Variants in PTK2B observed in about 807,000 individuals in gnomAD.
The protein encoded by PTK2B is protein tyrosine kinase 2 beta.
PTK2B carries 71 observed loss-of-function variants against 142.9 expected under a neutral mutation model. The ratio of observed to expected loss-of-function variants is 0.50; its 90% CI spans 0.41 to 0.61. The LOEUF is 0.61. PTK2B is among the 20% of genes least tolerant of loss of function. The pLI is 0.00. For synonymous variants in PTK2B, 519 were observed against 503.4 expected (o/e 1.03, Z -0.42); for missense variants, 1,105 against 1,320.4 (o/e 0.84, Z 2.53).
chr8:27,318,209 T>C (rs1043156783), intron 3 of PTK2B, among the ~76,000 whole-genome samples: 1 of 152,166 alleles, frequency 6.6e-6, no homozygotes, highest in Non-Finnish European at 1.5e-5. Context: ...CTAGAAGTTC[T>C]TCTTGTTCCT....
chr8:27,315,909 C>A (rs1803084367), intron 3 of PTK2B, among the ~76,000 whole-genome samples: 1 of 151,826 alleles, frequency 6.6e-6, no homozygotes, highest in Non-Finnish European at 1.5e-5. Flanking sequence ...AACTTAGATG[C>A]TCTGAAATTG....
Position 27,449,434 on chromosome 8 carries a change from G to C in PTK2B, c.2341-1315G>C, listed in dbSNP as rs1366426204. On this transcript the variant is annotated intron_variant, in intron 24 of 30. Transcript: ENST00000346049. Reference sequence around the variant, plus strand: ...ATATTGTAATATTCAAGTGTGTTTTGTAGGGCTTAGTGAGGAAACTCTTTT... The same window carrying C: ...ATATTGTAATATTCAAGTGTGTTTTCTAGGGCTTAGTGAGGAAACTCTTTT... 2.6e-5 allele frequency among the ~76,000 whole-genome samples: 4 copies of C among 152,222 alleles called. No homozygotes were observed. The East Asian group carries it at 7.7e-4, about 29-fold the overall frequency.
chr8:27,361,221 TTTTG>T (rs1277384467), intron 1 of PTK2B, among the ~76,000 whole-genome samples: 4 of 152,134 alleles, frequency 2.6e-5, no homozygotes, highest in African/African-American at 7.2e-5. Flanking sequence ...TTTGTTTCCT[TTTTG>T]TTTGTTTATT....
At chr8:27,366,193 A>G (rs1437925805) in intron 1 of PTK2B, among the ~76,000 whole-genome samples, 1 of 152,130 alleles carries the variant, frequency 6.6e-6, no homozygotes, top group Non-Finnish European at 1.5e-5. Flanking sequence ...TCACTAGAAA[A>G]TCTCACTCCA....
intron 1 of PTK2B, among the ~76,000 whole-genome samples, chr8:27,370,169 G>A (rs77067195): frequency 6.6e-6 from 1 of 152,142 alleles, no homozygotes; most frequent in Non-Finnish European, 1.5e-5. Context: ...GAACAGCTGT[G>A]TTGTATTGAA....
At chr8:27,322,564 A>G (rs1408388831), upstream of PTK2B, 1 of 152,246 alleles carries the variant, frequency 6.6e-6, no homozygotes, top group Non-Finnish European at 1.5e-5. Flanking sequence ...AATTATAGCT[A>G]TAGAATTTTT....
intron 3 of PTK2B, among the ~76,000 whole-genome samples, chr8:27,317,844 T>G (rs1803127222): frequency 6.6e-6 from 1 of 152,178 alleles, no homozygotes; most frequent in African/African-American, 2.4e-5. Flanking sequence ...CAATTCATTA[T>G]AAAGACACTG....
chr8:27,405,035 C>CCTCTCTCTCT (rs3076734), intron 2 of PTK2B, among the ~76,000 whole-genome samples: 1,629 of 119,372 alleles, frequency 0.014, 53 homozygotes, highest in South Asian at 0.037. Flanking sequence ...TCTTTCTCTT[C>CCTCTCTCTCT]CTCTCTCTCT....
chr8:27,405,017 C>CCTTCCTCTCTTTCT (rs1206634949), intron 2 of PTK2B, among the ~76,000 whole-genome samples: 40 of 106,156 alleles, frequency 3.8e-4, no homozygotes, highest in African/African-American at 1.3e-3. Flanking sequence ...CCCCTCCCTC[C>CCTTCCTCTCTTTCT]CTTCCTCTCT....
chr8:27,384,935 G>A (rs1206032159), intron 1 of PTK2B, among the ~76,000 whole-genome samples: 2 of 152,124 alleles, frequency 1.3e-5, no homozygotes, highest in Non-Finnish European at 2.9e-5. Context: ...GGGTGTCTAT[G>A]GAATGAGGCC....
chr8:27,425,331 G>A (rs1459382051), intron 5 of PTK2B, among the ~76,000 whole-genome samples: 1 of 151,874 alleles, frequency 6.6e-6, no homozygotes, highest in African/African-American at 2.4e-5. Flanking sequence ...AAGAATAAAT[G>A]AGTTAATATA....
At chr8:27,449,848 G>A (rs974457485) in intron 24 of PTK2B, among the ~76,000 whole-genome samples, 3 of 152,156 alleles carry the variant, frequency 2.0e-5, no homozygotes, top group East Asian at 1.9e-4. Context: ...AAGCCCCAGA[G>A]GTAAGTTAAA....
At chr8:27,326,061 C>G (rs58642073) in intron 1 of PTK2B, among the ~76,000 whole-genome samples, 1,898 of 152,146 alleles carry the variant, frequency 0.012, 46 homozygotes, top group African/African-American at 0.044. Context: ...GCCCCCGCTC[C>G]CCGCTCCCTC....
intron 1 of PTK2B, among the ~76,000 whole-genome samples, chr8:27,393,217 T>C (rs976847470): frequency 6.6e-6 from 1 of 152,222 alleles, no homozygotes; most frequent in African/African-American, 2.4e-5. Flanking sequence ...CTCCCAGGAT[T>C]GGGCAGCAGA....
At chr8:27,419,202 C>T (rs1809591036) in intron 2 of PTK2B, among the ~76,000 whole-genome samples, 1 of 152,208 alleles carries the variant, frequency 6.6e-6, no homozygotes, top group Non-Finnish European at 1.5e-5. Context: ...AACAAGAAAG[C>T]AGGAACAAGA....
intron 24 of PTK2B, among the ~76,000 whole-genome samples, chr8:27,448,411 C>T (rs913224011): frequency 1.3e-5 from 2 of 152,216 alleles, no homozygotes; most frequent in Non-Finnish European, 2.9e-5. Flanking sequence ...ATTGGAGGCG[C>T]ATTTCAGCAA....
chr8:27,449,519 T>C (rs1254812469), intron 24 of PTK2B, among the ~76,000 whole-genome samples: 1 of 152,266 alleles, frequency 6.6e-6, no homozygotes, highest in Admixed American at 6.5e-5. Flanking sequence ...GTTAGCATCT[T>C]CTGCAAGTGA....
intron 2 of PTK2B, among the ~76,000 whole-genome samples, chr8:27,312,881 C>T (rs1324586316): frequency 6.6e-6 from 1 of 152,228 alleles, no homozygotes; most frequent in African/African-American, 2.4e-5. Context: ...GGTCCTACCC[C>T]ATACCTGTTA....
intron 1 of PTK2B, among the ~76,000 whole-genome samples, chr8:27,342,038 C>T (rs372998970): frequency 1.1e-4 from 16 of 152,144 alleles, no homozygotes; most frequent in Non-Finnish European, 2.2e-4. Flanking sequence ...CTGGGGAGAG[C>T]AAGAATTGTA....
Sources: allele counts gnomAD v4.1 joint callset (sites outside exome capture counted in the v4.1 genomes callset), GRCh38; gene constraint gnomAD v4.1.1; transcripts MANE v1.5; gene names NCBI Gene and HGNC (gene_info 2026-07-23, HGNC 2026-07-21).